The following SCAPER variants were observed in gnomAD, a reference collection of about 807,000 sequenced individuals.
The protein encoded by SCAPER is S-phase cyclin A associated protein in the ER, also known as S phase cyclin A-associated protein in the endoplasmic reticulum.
A neutral mutation model predicts 182.2 loss-of-function variants in SCAPER; 98 were observed. The observed-to-expected ratio is 0.54, with a 90% CI of 0.46 to 0.64. The LOEUF (loss-of-function observed/expected upper bound fraction) is 0.64, where lower values mean the gene tolerates loss of function less well. Among genes scored for constraint, SCAPER ranks in the 30% least tolerant of loss-of-function variants. The pLI, the probability that SCAPER is intolerant of heterozygous loss-of-function variation, is 0.00. For synonymous variants in SCAPER, 605 were observed against 564.6 expected (o/e 1.07, Z -1.01); for missense variants, 1,432 against 1,690.0 (o/e 0.85, Z 2.68).
chr15:76,569,851 A>G (rs2047312610), intron 23 of SCAPER, among the ~76,000 whole-genome samples: 1 of 151,950 alleles, frequency 6.6e-6, no homozygotes, highest in Non-Finnish European at 1.5e-5. Flanking sequence ...TTCAGTTTTC[A>G]AATTCTGTTT....
At chr15:76,878,349 C>T (rs1000027332) in intron 2 of SCAPER, among the ~76,000 whole-genome samples, 2 of 152,032 alleles carry the variant, frequency 1.3e-5, no homozygotes, top group Non-Finnish European at 2.9e-5. Flanking sequence ...CTTCTCACAA[C>T]CTTTCTTAAA....
intron 2 of SCAPER, among the ~76,000 whole-genome samples, chr15:76,864,958 C>A (rs369125907): frequency 2.0e-4 from 31 of 152,224 alleles, no homozygotes; most frequent in African/African-American, 7.5e-4. Flanking sequence ...GAACAATCTG[C>A]AGTTATACTC....
At chr15:76,739,634 C>T (rs1026961948) in intron 15 of SCAPER, among the ~76,000 whole-genome samples, 2 of 152,170 alleles carry the variant, frequency 1.3e-5, no homozygotes, top group Non-Finnish European at 2.9e-5. Flanking sequence ...CACAACAGTA[C>T]ACAATCTGAA....
rs1449133944 is a variant in SCAPER, at chr15:76,594,626, C to G, written c.2712-20342G>C. On this transcript the variant is annotated intron_variant, in intron 22 of 31. Transcript: ENST00000563290. ...GAAGCCCATCAGACTAACAGCGGAT[C>G]TCTCTGCAGAAACTCTACAAGCCAG... 1.6e-5 allele frequency among the ~76,000 whole-genome samples: 2 copies of G among 121,908 alleles called. 1 individual carries two copies. Among genetic ancestry groups the G allele is most frequent in the East Asian group, 4.4e-4 (2 of 4,560 alleles). The allele number at this position is 121,908 out of a possible 152,430, so 80.0% of individuals were successfully genotyped here. A position where few individuals can be genotyped will look rare whatever the true frequency, so the allele number is the denominator to read the frequency against.
chr15:76,834,408 A>G (rs2068758197), intron 5 of SCAPER, among the ~76,000 whole-genome samples: 1 of 152,212 alleles, frequency 6.6e-6, no homozygotes, highest in Non-Finnish European at 1.5e-5. Context: ...AAAGATCTAA[A>G]ATTAACAACT....
chr15:76,617,902 T>C (rs993760256), intron 22 of SCAPER, among the ~76,000 whole-genome samples: 3 of 152,192 alleles, frequency 2.0e-5, no homozygotes, highest in African/African-American at 7.2e-5. Context: ...TTGCAAATAC[T>C]GTATACCACA....
At chr15:76,510,834 TCAA>T (rs1254333137) in intron 23 of SCAPER, among the ~76,000 whole-genome samples, 2 of 151,854 alleles carry the variant, frequency 1.3e-5, no homozygotes, top group Non-Finnish European at 2.9e-5. Context: ...TGCCCATCAA[TCAA>T]CAAGTGGATA....
intron 11 of SCAPER, among the ~76,000 whole-genome samples, chr15:76,766,159 C>T (rs1427554522): frequency 6.6e-6 from 1 of 151,908 alleles, no homozygotes; most frequent in African/African-American, 2.4e-5. Context: ...TGCAGTGGCA[C>T]GATCTCAGCT....
chr15:76,752,834 C>A (rs530358435), intron 15 of SCAPER, among the ~76,000 whole-genome samples: 1 of 151,546 alleles, frequency 6.6e-6, no homozygotes, highest in Admixed American at 6.6e-5. Flanking sequence ...TGCATTAAAA[C>A]CACTGAATTG....
At chr15:76,821,151 T>C (rs2067507089) in intron 5 of SCAPER, among the ~76,000 whole-genome samples, 1 of 152,200 alleles carries the variant, frequency 6.6e-6, no homozygotes, top group South Asian at 2.1e-4. Context: ...TTTAAAAACT[T>C]ACATCCACAC....
chr15:76,361,799 T>A (rs189633509), intron 29 of SCAPER, among the ~76,000 whole-genome samples: 1 of 152,234 alleles, frequency 6.6e-6, no homozygotes, highest in Non-Finnish European at 1.5e-5. Context: ...TTACTTAGTA[T>A]GCTACACTTT....
intron 21 of SCAPER, among the ~76,000 whole-genome samples, chr15:76,665,126 A>G (rs2056475124): frequency 6.6e-6 from 1 of 152,180 alleles, no homozygotes; most frequent in Admixed American, 6.5e-5. Flanking sequence ...GATGTACTAC[A>G]CAGCTGTCTG....
At chr15:76,490,011 T>C (rs1403052158) in intron 24 of SCAPER, among the ~76,000 whole-genome samples, 1 of 152,204 alleles carries the variant, frequency 6.6e-6, no homozygotes, top group East Asian at 1.9e-4. Flanking sequence ...TTCCATTGTA[T>C]GTGTATACAT....
chr15:76,665,337 C>T (rs1485200488), intron 21 of SCAPER, among the ~76,000 whole-genome samples: 4 of 152,106 alleles, frequency 2.6e-5, no homozygotes, highest in African/African-American at 7.2e-5. Context: ...ATTTAAAAAT[C>T]AATAGTTGGA....
At chr15:76,864,304 C>T (rs1040497316) in intron 2 of SCAPER, among the ~76,000 whole-genome samples, 5 of 152,210 alleles carry the variant, frequency 3.3e-5, no homozygotes, top group Non-Finnish European at 7.3e-5. Context: ...AACTTATTTA[C>T]TTATCTGTTC....
At chr15:76,791,932 T>C (rs1209610220) in intron 8 of SCAPER, among the ~76,000 whole-genome samples, 1 of 151,396 alleles carries the variant, frequency 6.6e-6, no homozygotes. Context: ...GAACAAATGA[T>C]TGGTTTTTTT....
At chr15:76,900,502 A>C (rs7169663) in intron 1 of SCAPER, among the ~76,000 whole-genome samples, 58,105 of 151,876 alleles carry the variant, frequency 0.38, 13,124 homozygotes, top group Middle Eastern at 0.53. Flanking sequence ...CACCCAAAAA[A>C]ACAAAGAATA....
intron 22 of SCAPER, among the ~76,000 whole-genome samples, chr15:76,606,638 T>C (rs1363993246): frequency 1.3e-5 from 2 of 151,574 alleles, no homozygotes; most frequent in Non-Finnish European, 2.9e-5. Context: ...CCATTATTAT[T>C]GTGTGGGAGT....
intron 23 of SCAPER, among the ~76,000 whole-genome samples, chr15:76,541,052 G>A (rs1244505739): frequency 5.9e-5 from 9 of 151,842 alleles, no homozygotes; most frequent in Admixed American, 1.3e-4. Context: ...CCCGGGAGGC[G>A]GAGGTTGCAG....
Sources: allele counts gnomAD v4.1 joint callset (sites outside exome capture counted in the v4.1 genomes callset), GRCh38; gene constraint gnomAD v4.1.1; transcripts MANE v1.5; gene names NCBI Gene and HGNC (gene_info 2026-07-23, HGNC 2026-07-21).